PCSK2: variants seen among roughly 807,000 people sequenced by gnomAD.
The protein encoded by PCSK2 is neuroendocrine convertase 2.
Under a neutral mutation model 69.7 loss-of-function variants are expected in PCSK2, and 14 were observed. The ratio of observed to expected loss-of-function variants is 0.20; its 90% CI spans 0.13 to 0.31. The LOEUF is 0.31. Among genes scored for constraint, PCSK2 ranks in the 10% least tolerant of loss-of-function variants. The probability of loss-of-function intolerance (pLI) is 1.00; values close to 1 mark genes in which losing one functional copy is unlikely to be tolerated. For missense variants in PCSK2, 544 were observed against 842.5 expected (o/e 0.65, Z 4.39); for synonymous variants, 307 against 320.7 (o/e 0.96, Z 0.46).
At chr20:17,420,041 A>G (rs2032088266) in intron 6 of PCSK2, among the ~76,000 whole-genome samples, 1 of 152,238 alleles carries the variant, frequency 6.6e-6, no homozygotes, top group Admixed American at 6.5e-5. Context: ...GGATAAATGG[A>G]GGCTGAAGAA....
In PCSK2 at chr20:17,481,874, T is replaced by A; in HGVS notation, c.1721T>A (p.Phe574Tyr). 1 of 1,613,936 alleles carries A rather than the reference T, an allele frequency of 6.2e-7. No individual in the cohort carries two copies. Residue 574 changes from phenylalanine (F) to tyrosine (Y), a missense_variant, in exon 12 of 12, where the codon TTT (phenylalanine) becomes TAT (tyrosine). This residue lies in a region of PCSK2 where 200 missense variants were observed against 287.8 expected (regional missense o/e 0.69). Transcript: ENST00000262545. The part of the protein sequence containing the change: ...ARGTWTLELG[F>Y]VGSAPQKGVL... Reference sequence around the variant, plus strand: ...GGCACCTGGACCCTGGAGCTGGGATTTGTCGGCAGCGCCCCGCAGAAGGGG... The same window carrying A: ...GGCACCTGGACCCTGGAGCTGGGATATGTCGGCAGCGCCCCGCAGAAGGGG...
intron 1 of PCSK2, 22 bp downstream of exon 1, chr20:17,227,504 G>C: frequency 6.2e-7 from 1 of 1,600,910 alleles, no homozygotes; most frequent in Non-Finnish European, 8.5e-7. Context: ...CATGCATTTC[G>C]CATGTTGTTT....
chr20:17,278,466 A>G (rs1435427542), intron 2 of PCSK2, among the ~76,000 whole-genome samples: 1 of 152,168 alleles, frequency 6.6e-6, no homozygotes, highest in African/African-American at 2.4e-5. Flanking sequence ...AAACTATTGC[A>G]AGGACTAAAA....
chr20:17,240,213 A>C (rs563656439), intron 1 of PCSK2, among the ~76,000 whole-genome samples: 2 of 152,022 alleles, frequency 1.3e-5, no homozygotes, highest in Non-Finnish European at 2.9e-5. Context: ...TGGCCAAAGC[A>C]AGTCACATGG....
At chr20:17,278,498 C>G (rs1988179247) in intron 2 of PCSK2, among the ~76,000 whole-genome samples, 2 of 152,244 alleles carry the variant, frequency 1.3e-5, no homozygotes, top group East Asian at 3.9e-4. Context: ...CATGTTCTCA[C>G]TCACAGGTGG....
intron 2 of PCSK2, among the ~76,000 whole-genome samples, chr20:17,334,889 C>G (rs184388550): frequency 6.6e-6 from 1 of 152,170 alleles, no homozygotes; most frequent in Non-Finnish European, 1.5e-5. Flanking sequence ...TCTTTACAAA[C>G]GCATTAGCAT....
At chr20:17,234,283 C>T (rs4814598) in intron 1 of PCSK2, among the ~76,000 whole-genome samples, 48,747 of 152,042 alleles carry the variant, frequency 0.32, 8,541 homozygotes, top group Middle Eastern at 0.47. Context: ...CAAATAGAAC[C>T]CATTCTACAC....
chr20:17,379,242 C>T (rs1179626587), intron 5 of PCSK2, among the ~76,000 whole-genome samples: 1 of 152,180 alleles, frequency 6.6e-6, no homozygotes, highest in African/African-American at 2.4e-5. Context: ...AATGGGCAGT[C>T]ATCCACACTG....
intron 2 of PCSK2, among the ~76,000 whole-genome samples, chr20:17,357,075 C>G (rs1177178730): frequency 6.6e-6 from 1 of 150,742 alleles, no homozygotes; most frequent in Non-Finnish European, 1.5e-5. Flanking sequence ...TATATATGTG[C>G]ATAATCCTTG....
At chr20:17,278,015 A>G (rs1403713212) in intron 2 of PCSK2, among the ~76,000 whole-genome samples, 8 of 152,114 alleles carry the variant, frequency 5.3e-5, no homozygotes, top group Admixed American at 5.2e-4. Flanking sequence ...CAAAACCACA[A>G]TGAGATACCA....
At chr20:17,313,067 A>G (rs1989566444) in intron 2 of PCSK2, among the ~76,000 whole-genome samples, 1 of 152,228 alleles carries the variant, frequency 6.6e-6, no homozygotes, top group East Asian at 1.9e-4. Context: ...GCACATTTTA[A>G]AAAGGAAGAC....
chr20:17,332,113 T>A (rs1990222470), intron 2 of PCSK2, among the ~76,000 whole-genome samples: 1 of 152,228 alleles, frequency 6.6e-6, no homozygotes, highest in Non-Finnish European at 1.5e-5. Flanking sequence ...TATGTCTTCA[T>A]AACAAACTAA....
chr20:17,374,530 C>G (rs1396234217), intron 5 of PCSK2, among the ~76,000 whole-genome samples: 2 of 152,174 alleles, frequency 1.3e-5, no homozygotes, highest in Non-Finnish European at 2.9e-5. Flanking sequence ...GGAGAGCCTT[C>G]TTGCTGTGTG....
chr20:17,427,219 A>G (rs1211540644), intron 6 of PCSK2, among the ~76,000 whole-genome samples: 3 of 152,190 alleles, frequency 2.0e-5, no homozygotes, highest in Non-Finnish European at 2.9e-5. Flanking sequence ...CTGGTAAAAG[A>G]GGTTGTTTTA....
At chr20:17,332,618 C>T (rs1182037728) in intron 2 of PCSK2, among the ~76,000 whole-genome samples, 1 of 152,170 alleles carries the variant, frequency 6.6e-6, no homozygotes, top group Admixed American at 6.5e-5. Flanking sequence ...AGACCCTGCT[C>T]CAGACTTACG....
At chr20:17,466,909 T>C (rs1342962840) in intron 11 of PCSK2, among the ~76,000 whole-genome samples, 3 of 152,236 alleles carry the variant, frequency 2.0e-5, no homozygotes, top group Non-Finnish European at 2.9e-5. Context: ...AGTTTCTTTT[T>C]CTCAGCATGA....
chr20:17,415,259 A>G (rs1309692069), intron 6 of PCSK2, among the ~76,000 whole-genome samples: 1 of 152,232 alleles, frequency 6.6e-6, no homozygotes, highest in African/African-American at 2.4e-5. Flanking sequence ...CTGTTTGCAG[A>G]TGACATGATT....
At chr20:17,284,962 A>G (rs1211530364) in intron 2 of PCSK2, among the ~76,000 whole-genome samples, 1 of 152,178 alleles carries the variant, frequency 6.6e-6, no homozygotes, top group African/African-American at 2.4e-5. Flanking sequence ...GGAATTCAGG[A>G]TCTGGAAAAC....
At chr20:17,301,282 C>A (rs1220467400) in intron 2 of PCSK2, among the ~76,000 whole-genome samples, 1 of 152,158 alleles carries the variant, frequency 6.6e-6, no homozygotes, top group Non-Finnish European at 1.5e-5. Flanking sequence ...ACATTGCTAG[C>A]AGCTCTGCTC....
Sources: gnomAD v4.1 joint callset for allele counts (sites outside exome capture counted in the v4.1 genomes callset) on GRCh38, gnomAD v4.1.1 for gene constraint, gnomAD v4.1.1 regional missense constraint, MANE v1.5 for transcripts, NCBI Gene and HGNC (gene_info 2026-07-23, HGNC 2026-07-21) for gene names.